DCUN1D4: variants seen among roughly 807,000 people sequenced by gnomAD.
DCUN1D4 encodes defective in cullin neddylation 1 domain containing 4.
DCUN1D4 carries 22 observed loss-of-function variants against 47.9 expected under a neutral mutation model. The observed-to-expected ratio is 0.46, with a 90% CI of 0.33 to 0.66. The LOEUF (loss-of-function observed/expected upper bound fraction) is 0.66, where lower values mean the gene tolerates loss of function less well. Ranked by LOEUF, DCUN1D4 falls within the 30% of genes least tolerant of loss-of-function variation. The pLI is 0.02. For missense variants in DCUN1D4, 301 were observed against 340.8 expected, an observed-to-expected ratio of 0.88 and a Z score of 0.92; for synonymous variants, 121 against 112.2, an observed-to-expected ratio of 1.08 and a Z score of -0.50.
At chr4:51,873,074 A>C (rs1727155394) in intron 3 of DCUN1D4, among the ~76,000 whole-genome samples, 1 of 152,206 alleles carries the variant, frequency 6.6e-6, no homozygotes, top group African/African-American at 2.4e-5. Context: ...GACTGATAGA[A>C]CCACATAGGT....
intron 1 of DCUN1D4, among the ~76,000 whole-genome samples, chr4:51,861,546 GGT>G (rs1312010729): frequency 6.6e-6 from 1 of 152,162 alleles, no homozygotes. Context: ...TTAACAGCAG[GGT>G]GGTGAAATGA....
At chr4:51,873,238 C>T (rs1016936753) in intron 3 of DCUN1D4, among the ~76,000 whole-genome samples, 5 of 152,186 alleles carry the variant, frequency 3.3e-5, no homozygotes, top group Non-Finnish European at 7.4e-5. Context: ...CCACTTCTCA[C>T]TCCTGAGACC....
At chr4:51,846,869 C>T (rs534011089) in intron 1 of DCUN1D4, among the ~76,000 whole-genome samples, 1 of 152,280 alleles carries the variant, frequency 6.6e-6, no homozygotes, top group Admixed American at 6.5e-5. Context: ...GCTCATTTGC[C>T]TCATGTTTGC....
intron 9 of DCUN1D4, among the ~76,000 whole-genome samples, chr4:51,912,351 T>G (rs576402139): frequency 6.6e-6 from 1 of 152,248 alleles, no homozygotes; most frequent in East Asian, 1.9e-4. Flanking sequence ...TCAGGACTGG[T>G]TTTTGCTTTT....
At chr4:51,873,231 C>G (rs1727179006) in intron 3 of DCUN1D4, among the ~76,000 whole-genome samples, 1 of 152,186 alleles carries the variant, frequency 6.6e-6, no homozygotes, top group African/African-American at 2.4e-5. Context: ...GAATTCACCA[C>G]TTCTCACTCC....
chr4:51,850,278 G>A (rs149239048), intron 1 of DCUN1D4, among the ~76,000 whole-genome samples: 1,621 of 152,218 alleles, frequency 0.011, 53 homozygotes, highest in Admixed American at 0.074. Context: ...ATACTTTGCC[G>A]CACAGAAGTG....
intron 3 of DCUN1D4, chr4:51,865,157 C>A: frequency 4.7e-6 from 1 of 210,788 alleles, no homozygotes; most frequent in Non-Finnish European, 1.0e-5. Flanking sequence ...AACTGCAGTT[C>A]AATCACCTTT....
rs1264949589 is a variant in DCUN1D4 at position 51,914,714 on chromosome 4, GC to G, written c.*1132del. On this transcript the variant is annotated 3_prime_UTR_variant, in exon 11 of 11. Transcript: ENST00000334635. ...ACATGCTAGGACCTGTCCTAGAGGGGCCACTTTTCATTACCTGAGTTATTTG... is the reference window on the plus strand; with the variant it reads ...ACATGCTAGGACCTGTCCTAGAGGGGCACTTTTCATTACCTGAGTTATTTG... The G allele has an allele frequency of 6.6e-6, 1 of 152,414 alleles. No individual in the cohort carries two copies. The highest frequency in any genetic ancestry group is 2.4e-5 in the African/African-American group (1 of 41,388). The allele number at this position is 152,414 out of a possible 1,614,324, so 9.4% of individuals were successfully genotyped here.
At chr4:51,860,741 C>A in intron 1 of DCUN1D4, 1 of 413,048 alleles carries the variant, frequency 2.4e-6, no homozygotes, top group South Asian at 1.8e-5. Context: ...CAGCACTAAG[C>A]CATGAGGGAT....
chr4:51,870,311 A>T (rs2109954343), intron 3 of DCUN1D4, among the ~76,000 whole-genome samples: 1 of 152,298 alleles, frequency 6.6e-6, no homozygotes, highest in African/African-American at 2.4e-5. Context: ...GAAATTATTT[A>T]TATTTAAGTA....
At chr4:51,866,381 A>G (rs954988068) in intron 3 of DCUN1D4, among the ~76,000 whole-genome samples, 43 of 119,572 alleles carry the variant, frequency 3.6e-4, no homozygotes, top group African/African-American at 5.2e-4. Context: ...AATTATGGTG[A>G]TGATGATGAT....
rs1237481183 is a variant in DCUN1D4, at chr4:51,888,992, C to G, written c.414+2354C>G. Among the ~76,000 whole-genome samples, 3 of 150,958 alleles carry G rather than the reference C, an allele frequency of 2.0e-5. No individual in the cohort carries two copies. In the East Asian group the frequency reaches 6.0e-4, roughly 30 times the overall value. On this transcript the variant is annotated intron_variant, in intron 6 of 10. Transcript: ENST00000334635. ...GGCGTAGTGATGTGCGCTAGTAATC[C>G]CAGCTACTCAGGAGGCTGAGGCACA... is the stretch of plus-strand genomic sequence containing the variant.
At chr4:51,894,327 T>C (rs948876018) in intron 7 of DCUN1D4, among the ~76,000 whole-genome samples, 3 of 152,208 alleles carry the variant, frequency 2.0e-5, no homozygotes, top group African/African-American at 7.2e-5. Context: ...TTAAGGTTCT[T>C]TGTAGTTCAA....
chr4:51,859,065 A>C (rs559018696), intron 1 of DCUN1D4, among the ~76,000 whole-genome samples: 1 of 152,214 alleles, frequency 6.6e-6, no homozygotes, highest in African/African-American at 2.4e-5. Flanking sequence ...TCAATCTGCC[A>C]AGCTTGCCTG....
At chr4:51,835,263 T>C in the DCUN1D4 span, among the ~76,000 whole-genome samples, 2 of 152,224 alleles carry the variant, frequency 1.3e-5, no homozygotes, top group Non-Finnish European at 2.9e-5. Flanking sequence ...GCTGTGTGTC[T>C]TTGAGAAAGT....
At chr4:51,838,369 G>A (rs1317972188), upstream of DCUN1D4, among the ~76,000 whole-genome samples, 1 of 151,984 alleles carries the variant, frequency 6.6e-6, no homozygotes, top group Non-Finnish European at 1.5e-5. Context: ...AAAGAGGCCT[G>A]GTTTCACTTT....
Position 51,910,986 on chromosome 4 carries a change from T to C in DCUN1D4, c.616-84T>C, listed in dbSNP as rs972742690. On this transcript the variant is annotated intron_variant, in intron 8 of 10. Coordinates refer to ENST00000334635, the MANE Select transcript of DCUN1D4 (RefSeq NM_001040402.3). Reference sequence around the variant, plus strand: ...ATAAATGAGCTGTTTACTAATTTCCTGTTGAAGTGAATACACATTTGCAAT... The same window carrying C: ...ATAAATGAGCTGTTTACTAATTTCCCGTTGAAGTGAATACACATTTGCAAT... The C allele has an allele frequency of 8.3e-6, 11 of 1,318,552 alleles. No homozygotes were observed. The African/African-American group carries it at 1.6e-4, about 19-fold the overall frequency. The allele number at this position is 1,318,552 out of a possible 1,614,324, so 81.7% of individuals were successfully genotyped here.
upstream of DCUN1D4, among the ~76,000 whole-genome samples, chr4:51,838,262 A>T (rs1328646203): frequency 6.6e-6 from 1 of 152,240 alleles, no homozygotes; most frequent in Admixed American, 6.5e-5. Context: ...GGTAAAATAA[A>T]TAAGAATTTA....
chr4:51,856,274 C>T (rs1724125167), intron 1 of DCUN1D4, among the ~76,000 whole-genome samples: 1 of 152,128 alleles, frequency 6.6e-6, no homozygotes, highest in Non-Finnish European at 1.5e-5. Context: ...CTGTTTAAAA[C>T]TTTTATATCT....
Sources: allele counts gnomAD v4.1 joint callset (sites outside exome capture counted in the v4.1 genomes callset), GRCh38; gene constraint gnomAD v4.1.1; transcripts MANE v1.5; gene names NCBI Gene and HGNC (gene_info 2026-07-23, HGNC 2026-07-21).